The following ZNF536 variants were observed in gnomAD, a reference collection of about 807,000 sequenced individuals.
ZNF536 encodes zinc finger protein 536.
In ZNF536, 13 loss-of-function variants were observed where a neutral mutation model predicts 84.5. The ratio of observed to expected loss-of-function variants is 0.15; its 90% CI spans 0.10 to 0.24. The LOEUF is 0.24. Ranked by LOEUF, ZNF536 falls within the 10% of genes least tolerant of loss-of-function variation. The pLI, the probability that ZNF536 is intolerant of heterozygous loss-of-function variation, is 1.00. For synonymous variants in ZNF536, 811 were observed against 742.5 expected, an observed-to-expected ratio of 1.09 and a Z score of -1.50; for missense variants, 1,536 against 1,747.5, an observed-to-expected ratio of 0.88 and a Z score of 2.16.
chr19:30,403,559 A>G (rs1438661618), intron 1 of ZNF536, among the ~76,000 whole-genome samples: 1 of 152,086 alleles, frequency 6.6e-6, no homozygotes, highest in Admixed American at 6.5e-5. Flanking sequence ...CTGAAATCCA[A>G]CTCTTTGGCT....
At chr19:30,466,584 A>AAGAAAGAAAGAG in intron 2 of ZNF536, among the ~76,000 whole-genome samples, 1 of 144,464 alleles carries the variant, frequency 6.9e-6, no homozygotes, top group Non-Finnish European at 1.5e-5. Context: ...GAAAGAAAGA[A>AAGAAAGAAAGAG]AGAGAGAGAG....
chr19:30,382,419 C>T (rs1275165885), intron 1 of ZNF536, among the ~76,000 whole-genome samples: 2 of 152,174 alleles, frequency 1.3e-5, no homozygotes, highest in Non-Finnish European at 2.9e-5. Context: ...TAGATCAATA[C>T]ATTTAAATTA....
intron 2 of ZNF536, among the ~76,000 whole-genome samples, chr19:30,505,415 A>G (rs1473332208): frequency 6.8e-6 from 1 of 147,972 alleles, no homozygotes; most frequent in Non-Finnish European, 1.5e-5. Flanking sequence ...AAGATATGAA[A>G]TATCTTATAT....
intron 2 of ZNF536, among the ~76,000 whole-genome samples, chr19:30,508,033 G>T (rs572970403): frequency 5.3e-5 from 8 of 152,172 alleles, no homozygotes; most frequent in Admixed American, 1.3e-4. Flanking sequence ...TTAAATGGAA[G>T]AATGAGTGAG....
chr19:30,511,419 T>A (rs2055409790), intron 2 of ZNF536, among the ~76,000 whole-genome samples: 1 of 152,208 alleles, frequency 6.6e-6, no homozygotes, highest in African/African-American at 2.4e-5. Context: ...AGGCAGAGAC[T>A]AACAGTATAT....
At chr19:30,454,299 G>A (rs950626370) in intron 2 of ZNF536, among the ~76,000 whole-genome samples, 5 of 152,162 alleles carry the variant, frequency 3.3e-5, no homozygotes, top group African/African-American at 7.2e-5. Context: ...ACAGGATCGC[G>A]CCACAGTGCT....
intron 2 of ZNF536, among the ~76,000 whole-genome samples, chr19:30,483,272 C>A (rs932786239): frequency 6.6e-6 from 1 of 152,170 alleles, no homozygotes; most frequent in Non-Finnish European, 1.5e-5. Flanking sequence ...CAAGGTGGCT[C>A]CCCTTGGCAG....
chr19:30,381,280 G>A (rs866959066), intron 1 of ZNF536, among the ~76,000 whole-genome samples: 1 of 152,256 alleles, frequency 6.6e-6, no homozygotes, highest in Non-Finnish European at 1.5e-5. Flanking sequence ...GCCAGGCACT[G>A]TGCTGGGGAC....
chr19:30,606,346 A>G (rs2047891522), intron 1 of ZNF536, among the ~76,000 whole-genome samples: 1 of 151,844 alleles, frequency 6.6e-6, no homozygotes, highest in African/African-American at 2.4e-5. Flanking sequence ...GGACACACAC[A>G]CCTCTTAAGG....
At chr19:30,293,950 T>G (rs974610365) in intron 2 of ZNF536, among the ~76,000 whole-genome samples, 6 of 151,534 alleles carry the variant, frequency 4.0e-5, no homozygotes, top group Non-Finnish European at 8.8e-5. Flanking sequence ...GCTATTAGAT[T>G]TTTTTTTTCC....
intron 4 of ZNF536, 92 bp from the exon 5 acceptor site, chr19:30,557,065 C>A: frequency 7.3e-7 from 1 of 1,361,888 alleles, no homozygotes; most frequent in Non-Finnish European, 1.0e-6. Context: ...TTCCATTAAA[C>A]GATTAGGGGA....
rs138034531 is a variant in ZNF536, at chr19:30,665,118, T to C, written c.170-45639T>C. On this transcript the variant is annotated intron_variant, in intron 1 of 1. Coordinates refer to the ZNF536 transcript ENST00000592773. ...CAGCACTTTGGGAGGGCGAGGCAGA[T>C]GGATGACCTGAGGTCAGGACTTCGA... Among the ~76,000 whole-genome samples the C allele has an allele frequency of 1.7e-3, 256 of 152,304 alleles. 1 individual carries two copies. The highest frequency in any genetic ancestry group is 5.7e-3 in the African/African-American group (238 of 41,572).
At chr19:30,701,561 A>G (rs1020202832) in intron 1 of ZNF536, among the ~76,000 whole-genome samples, 1 of 150,384 alleles carries the variant, frequency 6.6e-6, no homozygotes, top group Non-Finnish European at 1.5e-5. Context: ...ACACACAAAC[A>G]CACACACATA....
chr19:30,564,114 A>C (rs2046269558), intron 1 of ZNF536, among the ~76,000 whole-genome samples: 1 of 152,116 alleles, frequency 6.6e-6, no homozygotes, highest in Non-Finnish European at 1.5e-5. Context: ...GAGAAGTGCA[A>C]ATGCAGTTCA....
chr19:30,559,912 G>A (rs150460587), downstream of ZNF536, among the ~76,000 whole-genome samples: 28 of 152,192 alleles, frequency 1.8e-4, no homozygotes, highest in East Asian at 1.7e-3. Context: ...GTTGCTCCCC[G>A]GTGGAAACTT....
At chr19:30,653,359 C>A (rs1307177211) in intron 1 of ZNF536, among the ~76,000 whole-genome samples, 1 of 152,110 alleles carries the variant, frequency 6.6e-6, no homozygotes, top group African/African-American at 2.4e-5. Context: ...GACAAGCAGA[C>A]ACAGGGCATG....
intron 2 of ZNF536, among the ~76,000 whole-genome samples, chr19:30,499,357 CTG>C (rs923091224): frequency 9.9e-5 from 15 of 152,012 alleles, no homozygotes; most frequent in African/African-American, 3.4e-4. Context: ...ATCTATGTAT[CTG>C]TGTTTGTATG....
chr19:30,558,792 C>T (rs147892157), downstream of ZNF536, among the ~76,000 whole-genome samples: 40 of 152,276 alleles, frequency 2.6e-4, no homozygotes, highest in African/African-American at 9.4e-4. Context: ...TTTCTAAATT[C>T]AATGACCATC....
At chr19:30,493,201 A>T in intron 2 of ZNF536, among the ~76,000 whole-genome samples, 1 of 140,902 alleles carries the variant, frequency 7.1e-6, no homozygotes, top group Admixed American at 7.7e-5. Context: ...TTCTTCTGTA[A>T]CTGTGCTAAT....
Sources: allele counts gnomAD v4.1 joint callset (sites outside exome capture counted in the v4.1 genomes callset), GRCh38; gene constraint gnomAD v4.1.1; transcripts MANE v1.5; gene names NCBI Gene and HGNC (gene_info 2026-07-23, HGNC 2026-07-21).